MYOM1: variants seen among roughly 807,000 people sequenced by gnomAD.
MYOM1 encodes myomesin 1, also known as myomesin-1.
Under a neutral mutation model 205.3 loss-of-function variants are expected in MYOM1, and 164 were observed. That is an observed-to-expected ratio of 0.80 (90% CI 0.70 to 0.91). MYOM1 has a LOEUF of 0.91. MYOM1 is among the 40% of genes least tolerant of loss of function. MYOM1 has a pLI of 0.00. For missense variants in MYOM1, 2,011 were observed against 2,127.3 expected (o/e 0.95, Z 1.08); for synonymous variants, 772 against 789.4 (o/e 0.98, Z 0.37).
chr18:3,174,637 G>A (rs779952566), intron 6 of MYOM1, among the ~76,000 whole-genome samples: 3 of 152,216 alleles, frequency 2.0e-5, no homozygotes, highest in Non-Finnish European at 2.9e-5. Flanking sequence ...ACTGGAGGGC[G>A]TGGCTTTCCT....
chr18:3,138,096 T>C (rs1320793552), intron 14 of MYOM1, among the ~76,000 whole-genome samples: 3 of 151,936 alleles, frequency 2.0e-5, no homozygotes, highest in African/African-American at 7.3e-5. Flanking sequence ...ACGTGGTGTA[T>C]ATTTGAGCTC....
At chr18:3,120,768 A>AAT (rs1242243082) in intron 19 of MYOM1, among the ~76,000 whole-genome samples, 1 of 152,182 alleles carries the variant, frequency 6.6e-6, no homozygotes, top group Non-Finnish European at 1.5e-5. Flanking sequence ...AAGTTCTCAT[A>AAT]ATGTTTCTGC....
chr18:3,163,453 T>A (rs545198192), intron 10 of MYOM1, among the ~76,000 whole-genome samples: 11 of 152,252 alleles, frequency 7.2e-5, no homozygotes, highest in African/African-American at 2.4e-4. Flanking sequence ...GGTCTACTTT[T>A]TTTTTTGTTT....
At chr18:3,239,351 G>A in the MYOM1 span, among the ~76,000 whole-genome samples, 1 of 152,188 alleles carries the variant, frequency 6.6e-6, no homozygotes, top group African/African-American at 2.4e-5. Context: ...GCTCGTGAGA[G>A]CCATTATCTT....
Position 3,176,098 on chromosome 18 carries a change from G to T in MYOM1, c.966C>A (p.Asn322Lys), listed in dbSNP as rs754413096. 1 of 1,608,844 alleles carries T rather than the reference G, an allele frequency of 6.2e-7. No homozygotes were observed. The highest frequency in any genetic ancestry group is 1.1e-5 in the South Asian group (1 of 90,918). Reference sequence around the variant, plus strand: ...GACTCTCAATAATATACTTTCCAGGGTTTGCATGGACATTTATTGGCACCT... The same window carrying T: ...GACTCTCAATAATATACTTTCCAGGTTTTGCATGGACATTTATTGGCACCT... ...KNQVPINVHA[N>K]PGKYIIESRY... Residue 322 changes from asparagine (N) to lysine (K), a missense_variant, in exon 6 of 38, where the codon AAC (asparagine) becomes AAA (lysine). Transcript: ENST00000356443.
chr18:3,167,976 C>A (rs1044143740), intron 9 of MYOM1, among the ~76,000 whole-genome samples: 15 of 152,196 alleles, frequency 9.9e-5, no homozygotes, highest in Non-Finnish European at 1.9e-4. Flanking sequence ...GTTCTACCAG[C>A]CTGTTATAAT....
intron 22 of MYOM1, 103 bp from the exon 23 acceptor site, chr18:3,102,733 G>A (rs2143764388): frequency 5.7e-6 from 7 of 1,230,772 alleles, no homozygotes; most frequent in East Asian, 2.3e-5. Flanking sequence ...GTAGGGCCCT[G>A]ATCCTAGGTC....
upstream of MYOM1, among the ~76,000 whole-genome samples, chr18:3,223,741 ACT>A (rs1293136312): frequency 6.6e-6 from 1 of 151,866 alleles, no homozygotes; most frequent in Non-Finnish European, 1.5e-5. Flanking sequence ...TGATCCAAAA[ACT>A]CTGCTTCTAC....
chr18:3,153,188 G>A (rs2080244741), intron 11 of MYOM1, among the ~76,000 whole-genome samples: 1 of 152,200 alleles, frequency 6.6e-6, no homozygotes, highest in Admixed American at 6.5e-5. Flanking sequence ...AAAGAAAGGT[G>A]GAACTCACTG....
chr18:3,199,252 T>C (rs568607744), intron 2 of MYOM1, among the ~76,000 whole-genome samples: 2 of 152,138 alleles, frequency 1.3e-5, no homozygotes, highest in Non-Finnish European at 2.9e-5. Flanking sequence ...TGAATAACAG[T>C]AGCAATAATC....
At chr18:3,069,519 A>G (rs7238437) in intron 37 of MYOM1, among the ~76,000 whole-genome samples, 41,323 of 152,068 alleles carry the variant, frequency 0.27, 7,263 homozygotes, top group African/African-American at 0.5. Flanking sequence ...TTTTTCTCCC[A>G]TCACTAATTA....
chr18:3,177,131 T>C (rs769562634), intron 5 of MYOM1, among the ~76,000 whole-genome samples: 3 of 151,504 alleles, frequency 2.0e-5, no homozygotes, highest in African/African-American at 2.4e-5. Flanking sequence ...CCCAACTACT[T>C]TGGAGGCTGC....
At chr18:3,126,585 G>A (rs2143863633) in intron 19 of MYOM1, 116 bp downstream of exon 19, 2 of 889,644 alleles carry the variant, frequency 2.2e-6, no homozygotes, top group South Asian at 2.2e-5. Flanking sequence ...TGCAGACAAT[G>A]GACTCTGGAG....
At chr18:3,197,631 T>G (rs1170024101) in intron 2 of MYOM1, among the ~76,000 whole-genome samples, 2 of 151,808 alleles carry the variant, frequency 1.3e-5, no homozygotes, top group African/African-American at 2.4e-5. Flanking sequence ...CCCAGCACGT[T>G]GGGAGGCCAA....
At chr18:3,239,794 G>A in the MYOM1 span, among the ~76,000 whole-genome samples, 1 of 146,590 alleles carries the variant, frequency 6.8e-6, no homozygotes, top group Non-Finnish European at 1.5e-5. Flanking sequence ...GAAATTGAGA[G>A]AGCGGAGCAT....
At chr18:3,081,251 G>A (rs2079083167) in intron 33 of MYOM1, among the ~76,000 whole-genome samples, 1 of 152,144 alleles carries the variant, frequency 6.6e-6, no homozygotes, top group South Asian at 2.1e-4. Context: ...CATCTGTAAT[G>A]TGCTTCCGAT....
chr18:3,160,173 C>T (rs2080369279), intron 10 of MYOM1, among the ~76,000 whole-genome samples: 1 of 149,346 alleles, frequency 6.7e-6, no homozygotes, highest in Non-Finnish European at 1.5e-5. Flanking sequence ...TCCTTTTCTT[C>T]TTCTCTCTCT....
chr18:3,154,726 T>A (rs1217770300), intron 11 of MYOM1, among the ~76,000 whole-genome samples: 1 of 151,894 alleles, frequency 6.6e-6, no homozygotes, highest in African/African-American at 2.4e-5. Flanking sequence ...TATGTATGTA[T>A]GTATATGTTT....
intron 17 of MYOM1, among the ~76,000 whole-genome samples, chr18:3,130,225 T>C (rs979780283): frequency 6.6e-6 from 1 of 151,974 alleles, no homozygotes; most frequent in Non-Finnish European, 1.5e-5. Context: ...GTATTTTCAG[T>C]AGAGACAGGG....
Sources: gnomAD v4.1 joint callset for allele counts (sites outside exome capture counted in the v4.1 genomes callset) on GRCh38, gnomAD v4.1.1 for gene constraint, MANE v1.5 for transcripts, NCBI Gene and HGNC (gene_info 2026-07-23, HGNC 2026-07-21) for gene names.